The following IL20RB variants were observed in gnomAD, a reference collection of about 807,000 sequenced individuals.
The protein encoded by IL20RB is interleukin 20 receptor subunit beta, also known as interleukin-20 receptor subunit beta.
IL20RB carries 21 observed loss-of-function variants against 33.3 expected under a neutral mutation model. That is an observed-to-expected ratio of 0.63 (90% CI 0.45 to 0.91). The LOEUF is 0.91. Ranked by LOEUF, IL20RB falls within the 40% of genes least tolerant of loss-of-function variation. The pLI is 0.00. For synonymous variants in IL20RB, 147 were observed against 146.8 expected, an observed-to-expected ratio of 1.00 and a Z score of -0.01; for missense variants, 345 against 384.8, an observed-to-expected ratio of 0.90 and a Z score of 0.86.
intron 6 of IL20RB, among the ~76,000 whole-genome samples, chr3:137,008,288 G>C (rs1300698435): frequency 6.6e-6 from 1 of 152,104 alleles, no homozygotes; most frequent in Admixed American, 6.6e-5. Context: ...AGAAAAAAAA[G>C]CAAAAGGAAA....
chr3:136,982,427 A>C, intron 3 of IL20RB, 77 bp downstream of exon 3: 1 of 1,091,366 alleles, frequency 9.2e-7, no homozygotes, highest in South Asian at 1.7e-5. Context: ...AACTTTCTAG[A>C]CTCTTTTTAG....
chr3:136,969,836 A>G (rs1007731329), intron 1 of IL20RB, among the ~76,000 whole-genome samples: 1 of 152,138 alleles, frequency 6.6e-6, no homozygotes, highest in South Asian at 2.1e-4. Context: ...TTTGCATAGC[A>G]AAAGTTTTTA....
intron 6 of IL20RB, among the ~76,000 whole-genome samples, chr3:137,007,584 AC>A: frequency 6.6e-6 from 1 of 152,278 alleles, no homozygotes; most frequent in East Asian, 1.9e-4. Context: ...TGGGCATGAG[AC>A]CTGCCGAGCC....
At position 136,973,053 on chromosome 3, in the gene IL20RB, T is replaced by TTG. The variant is rs748241558; in HGVS notation, c.89-7413_89-7412insTG. On this transcript the variant is annotated intron_variant, in intron 1 of 6. Transcript: ENST00000329582. ...CATGTTAGTTTCTTTGTTGACCCAATGGTCATTCAAGATCATGTTGTTTAA... is the reference window on the plus strand; with the variant it reads ...CATGTTAGTTTCTTTGTTGACCCAATTGGGTCATTCAAGATCATGTTGTTTAA... Among the ~76,000 whole-genome samples the TTG allele has an allele frequency of 7.9e-4, 120 of 152,326 alleles. 1 individual carries two copies. The highest frequency in any genetic ancestry group is 3.4e-3 in the Middle Eastern group (1 of 294).
chr3:136,999,475 G>A (rs758824230), intron 6 of IL20RB, among the ~76,000 whole-genome samples: 1 of 151,854 alleles, frequency 6.6e-6, no homozygotes, highest in Non-Finnish European at 1.5e-5. Flanking sequence ...CTGGGCTCAA[G>A]TGATATCCTT....
intron 1 of IL20RB, among the ~76,000 whole-genome samples, chr3:136,979,714 G>A (rs937690959): frequency 3.3e-5 from 5 of 152,172 alleles, no homozygotes; most frequent in East Asian, 1.9e-4. Flanking sequence ...CAGTCTTTCC[G>A]GGGTGGACTC....
At chr3:136,987,230 G>A (rs1031823871) in intron 3 of IL20RB, among the ~76,000 whole-genome samples, 18 of 152,138 alleles carry the variant, frequency 1.2e-4, no homozygotes, top group African/African-American at 3.4e-4. Context: ...TTGACAGGGC[G>A]CTGATTCGTG....
At chr3:137,005,494 G>A (rs189915418) in intron 6 of IL20RB, among the ~76,000 whole-genome samples, 3 of 152,228 alleles carry the variant, frequency 2.0e-5, no homozygotes, top group Admixed American at 6.5e-5. Context: ...TCTTCTTGTT[G>A]GATTGATCCT....
rs770389357 is a variant in IL20RB, at chr3:136,992,047, G to A, written c.641G>A (p.Arg214Lys). The A allele has an allele frequency of 8.1e-6, 13 of 1,614,084 alleles. No individual in the cohort carries two copies. The highest frequency in any genetic ancestry group is 3.3e-5 in the Admixed American group (2 of 60,006). ...KAQTFVKAIG[R>K]YSAFSQTECV... ...CAGACATTCGTGAAGGCCATTGGGA[G>A]GTACAGCGCCTTCAGCCAGACAGAA... Residue 214 changes from arginine to lysine, a missense_variant, in exon 5 of 7, where the codon AGG becomes AAG. By Grantham distance (26) the Arg-to-Lys change is conservative (BLOSUM62 2). Transcript: ENST00000329582.
chr3:136,978,680 A>G (rs1437681224), intron 1 of IL20RB, among the ~76,000 whole-genome samples: 9 of 152,128 alleles, frequency 5.9e-5, no homozygotes, highest in African/African-American at 1.9e-4. Flanking sequence ...TTGGATTGCT[A>G]TATTTTGTTG....
intron 6 of IL20RB, among the ~76,000 whole-genome samples, chr3:137,001,100 C>A (rs970460187): frequency 6.6e-5 from 10 of 152,070 alleles, no homozygotes; most frequent in African/African-American, 2.4e-4. Context: ...TGAGCCACAC[C>A]CTAAAATCAG....
intron 6 of IL20RB, among the ~76,000 whole-genome samples, chr3:136,998,737 A>C (rs998261617): frequency 2.0e-5 from 3 of 152,092 alleles, no homozygotes; most frequent in Admixed American, 1.3e-4. Context: ...TGCCCAGGCT[A>C]GTCTGGAACT....
At chr3:136,993,476 G>A (rs1942070175) in intron 5 of IL20RB, among the ~76,000 whole-genome samples, 1 of 152,020 alleles carries the variant, frequency 6.6e-6, no homozygotes, top group Admixed American at 6.5e-5. Context: ...CAAAGTGCAG[G>A]TTTGTTACAT....
intron 6 of IL20RB, among the ~76,000 whole-genome samples, chr3:136,997,185 G>A (rs377489067): frequency 1.3e-4 from 19 of 151,448 alleles, no homozygotes; most frequent in African/African-American, 4.4e-4. Flanking sequence ...TGCAACCTCC[G>A]CCTTCTGAGT....
intron 2 of IL20RB, among the ~76,000 whole-genome samples, chr3:136,980,898 C>T (rs575439604): frequency 6.6e-6 from 1 of 152,276 alleles, no homozygotes; most frequent in African/African-American, 2.4e-5. Flanking sequence ...TCACTGGAGA[C>T]TCAGATCCTT....
intron 1 of IL20RB, among the ~76,000 whole-genome samples, chr3:136,962,042 A>C (rs1330908004): frequency 6.6e-6 from 1 of 151,986 alleles, no homozygotes; most frequent in Non-Finnish European, 1.5e-5. Flanking sequence ...ACTAAAAATA[A>C]ATAATTGAAT....
intron 6 of IL20RB, among the ~76,000 whole-genome samples, chr3:137,006,075 G>A (rs1250148961): frequency 6.6e-6 from 1 of 152,186 alleles, no homozygotes; most frequent in Non-Finnish European, 1.5e-5. Context: ...TTTTCTTTAA[G>A]AATGTTGAAT....
chr3:136,974,515 G>A (rs1941568647), intron 1 of IL20RB, among the ~76,000 whole-genome samples: 1 of 152,072 alleles, frequency 6.6e-6, no homozygotes, highest in Non-Finnish European at 1.5e-5. Context: ...ATCCACTGAT[G>A]GGGTTTCCAT....
At chr3:136,995,963 A>G (rs1187184715) in intron 6 of IL20RB, among the ~76,000 whole-genome samples, 1 of 152,176 alleles carries the variant, frequency 6.6e-6, no homozygotes, top group Non-Finnish European at 1.5e-5. Context: ...AACTTATTCA[A>G]TTCACATGCC....
Sources: allele counts gnomAD v4.1 joint callset (sites outside exome capture counted in the v4.1 genomes callset), GRCh38; gene constraint gnomAD v4.1.1; transcripts MANE v1.5; gene names NCBI Gene and HGNC (gene_info 2026-07-23, HGNC 2026-07-21).